Variants in PI4K2B observed in about 807,000 individuals in gnomAD.
PI4K2B encodes phosphatidylinositol 4-kinase type 2-beta.
In PI4K2B, 46 loss-of-function variants were observed where a neutral mutation model predicts 56.6. The ratio of observed to expected loss-of-function variants is 0.81; its 90% CI spans 0.64 to 1.04. The LOEUF is 1.04. Ranked by LOEUF, PI4K2B falls within the 50% of genes least tolerant of loss-of-function variation. The pLI, the probability that PI4K2B is intolerant of heterozygous loss-of-function variation, is 0.00. For missense variants in PI4K2B, 556 were observed against 607.7 expected, an observed-to-expected ratio of 0.91 and a Z score of 0.89; for synonymous variants, 211 against 223.8, an observed-to-expected ratio of 0.94 and a Z score of 0.51.
In PI4K2B at chr4:25,268,302, G is replaced by A. The variant is rs193144857; in HGVS notation, c.1079-141G>A. The A allele has an allele frequency of 5.8e-4, 365 of 624,700 alleles. 2 individuals are homozygous for A. In the East Asian group the frequency reaches 5.9e-3, roughly 10 times the overall value. 38.7% of individuals were successfully genotyped at this position (624,700 alleles called of 1,614,324 possible). The stretch of plus-strand genomic sequence containing the variant: ...CCAAATCTGAGTAATTTGGATTGCA[G>A]TGGGTAGTTGTACTCTGATTAAGTT... On this transcript the variant is annotated intron_variant, in intron 7 of 9. Coordinates refer to ENST00000264864, the MANE Select transcript of PI4K2B (RefSeq NM_018323.4).
At chr4:25,251,436 G>A (rs1294301442) in intron 1 of PI4K2B, among the ~76,000 whole-genome samples, 1 of 152,092 alleles carries the variant, frequency 6.6e-6, no homozygotes, top group East Asian at 1.9e-4. Context: ...TTTTGCAGGT[G>A]ACCATGATGA....
intron 1 of PI4K2B, among the ~76,000 whole-genome samples, chr4:25,251,208 T>C (rs1716034475): frequency 6.6e-6 from 1 of 152,042 alleles, no homozygotes; most frequent in South Asian, 2.1e-4. Context: ...GTTAAGTAGT[T>C]GGTAATAAAT....
At chr4:25,241,841 T>G (rs1256293298) in intron 1 of PI4K2B, among the ~76,000 whole-genome samples, 1 of 152,122 alleles carries the variant, frequency 6.6e-6, no homozygotes, top group African/African-American at 2.4e-5. Flanking sequence ...AAAGAGAAGT[T>G]TTGTCCTGTG....
rs761951902 is a variant in PI4K2B, at chr4:25,256,581, G to A, written c.663G>A (p.Ala221=). 1.1e-5 allele frequency: 18 copies of A among 1,613,556 alleles called. No homozygotes were observed. The highest frequency in any genetic ancestry group is 1.6e-4 in the Middle Eastern group (1 of 6,066). The part of the protein sequence containing the change: ...WLVSETFNYN[A]IDRAKSRGKK... ...TCAGTGAGACATTTAACTATAATGCGATTGACCGTGCAAAATCAAGAGGCA... is the reference window on the plus strand; with the variant it reads ...TCAGTGAGACATTTAACTATAATGCAATTGACCGTGCAAAATCAAGAGGCA... Residue 221 remains alanine, a synonymous_variant, in exon 4 of 10, where the codon GCG becomes GCA. Coordinates refer to ENST00000264864, the MANE Select transcript of PI4K2B (RefSeq NM_018323.4).
intron 1 of PI4K2B, among the ~76,000 whole-genome samples, chr4:25,251,640 A>G (rs1425876826): frequency 6.6e-6 from 1 of 152,094 alleles, no homozygotes; most frequent in Non-Finnish European, 1.5e-5. Flanking sequence ...GAGGTGCTTG[A>G]AATTGAAAGT....
chr4:25,261,856 A>G (rs313541), intron 6 of PI4K2B, among the ~76,000 whole-genome samples: 24,455 of 152,286 alleles, frequency 0.16, 2,154 homozygotes, highest in South Asian at 0.32. Context: ...GTCAAGGCTC[A>G]TCACATTGTA....
In PI4K2B at chr4:25,234,309, T is replaced by C. The variant is rs1329704878; in HGVS notation, c.146T>C (p.Leu49Pro). Reference protein sequence around the residue: ...RRGAPGSAVRLLDAAGEEGEA... With the variant: ...RRGAPGSAVRPLDAAGEEGEA... ...GGCGCCCCAGGCAGCGCCGTGAGGC[T>C]GCTGGACGCTGCCGGGGAGGAGGGC... The change falls in exon 1 of 10, where the codon CTG becomes CCG. Residue 49 changes from leucine (L) to proline (P), a missense_variant. Transcript: ENST00000264864. 2.8e-6 allele frequency: 4 copies of C among 1,418,092 alleles called. No homozygotes were observed. The highest frequency in any genetic ancestry group is 1.4e-5 in the South Asian group (1 of 70,940). The allele number at this position is 1,418,092 out of a possible 1,614,324, so 87.8% of individuals were successfully genotyped here. A position where few individuals can be genotyped will look rare whatever the true frequency, so the allele number is the denominator to read the frequency against.
chr4:25,262,624 CT>C (rs908673656), intron 6 of PI4K2B, among the ~76,000 whole-genome samples: 16 of 151,270 alleles, frequency 1.1e-4, no homozygotes, highest in South Asian at 4.2e-4. Context: ...TCAGAATACC[CT>C]TTTTTTTTCT....
intron 1 of PI4K2B, among the ~76,000 whole-genome samples, chr4:25,234,721 G>T (rs1373796328): frequency 6.6e-6 from 1 of 152,252 alleles, no homozygotes; most frequent in African/African-American, 2.4e-5. Context: ...ACACTGGGGA[G>T]AGGTTAACGC....
intron 1 of PI4K2B, among the ~76,000 whole-genome samples, chr4:25,240,527 C>T (rs1377034689): frequency 6.6e-6 from 1 of 152,078 alleles, no homozygotes; most frequent in Non-Finnish European, 1.5e-5. Flanking sequence ...TGGAGTTGAG[C>T]TTTGAGGGGT....
At chr4:25,267,868 G>A (rs973140407) in intron 7 of PI4K2B, 208 of 983,532 alleles carry the variant, frequency 2.1e-4, no homozygotes, top group Non-Finnish European at 2.4e-4. Context: ...CTGTGTACAA[G>A]TAAGTGGTCA....
intron 9 of PI4K2B, among the ~76,000 whole-genome samples, chr4:25,273,748 C>T (rs916366875): frequency 2.6e-5 from 4 of 152,210 alleles, no homozygotes; most frequent in African/African-American, 9.6e-5. Context: ...AGAACAATCT[C>T]TAAAAACAAA....
intron 1 of PI4K2B, chr4:25,250,782 G>A (rs1403619850): frequency 2.0e-5 from 3 of 152,234 alleles, no homozygotes; most frequent in Non-Finnish European, 4.4e-5. Flanking sequence ...TAGAATAATC[G>A]AGGTGAGAGC....
intron 9 of PI4K2B, among the ~76,000 whole-genome samples, chr4:25,269,503 G>A (rs963747174): frequency 6.6e-6 from 1 of 151,842 alleles, no homozygotes. Flanking sequence ...GCTGGGTGTG[G>A]TGGCGGGCAC....
At chr4:25,275,546 G>C (rs2109027716) in intron 9 of PI4K2B, among the ~76,000 whole-genome samples, 1 of 152,240 alleles carries the variant, frequency 6.6e-6, no homozygotes, top group African/African-American at 2.4e-5. Flanking sequence ...TCTAGGCCCA[G>C]CTACTCTGGA....
intron 1 of PI4K2B, among the ~76,000 whole-genome samples, chr4:25,248,106 A>T (rs750122300): frequency 6.6e-6 from 1 of 152,204 alleles, no homozygotes; most frequent in Non-Finnish European, 1.5e-5. Context: ...AGAGAGAAAG[A>T]GTTTATTTTG....
intron 9 of PI4K2B, 194 bp from the exon 10 acceptor site, chr4:25,276,806 TGTGTGTGTGTGCGC>T (rs762534986): frequency 2.4e-4 from 233 of 952,442 alleles, no homozygotes; most frequent in South Asian, 8.2e-4. Context: ...TAATTGTGTG[TGTGTGTGTGTGCGC>T]GTGTGTGTGT....
chr4:25,273,928 T>C (rs1406695509), intron 9 of PI4K2B, among the ~76,000 whole-genome samples: 1 of 152,152 alleles, frequency 6.6e-6, no homozygotes, highest in African/African-American at 2.4e-5. Flanking sequence ...TGAACTGCTC[T>C]TCCTTCCCCT....
chr4:25,234,084 G>T lies in PI4K2B; in HGVS notation c.-80G>T, dbSNP rs974864901. On this transcript the variant is annotated 5_prime_UTR_variant, in exon 1 of 10. Transcript: ENST00000264864. ...GCGTCCGTTCTACCCGGTCGCTCCC[G>T]TTCCGCGCCATGCAGAGCCCAGTCT... is the stretch of plus-strand genomic sequence containing the variant. 2.4e-5 allele frequency: 28 copies of T among 1,175,102 alleles called. No individual in the cohort carries two copies. Among genetic ancestry groups the T allele is most frequent in the African/African-American group, 4.8e-5 (3 of 63,146 alleles). The allele number at this position is 1,175,102 out of a possible 1,614,324, so 72.8% of individuals were successfully genotyped here.
Sources: gnomAD v4.1 joint callset for allele counts (sites outside exome capture counted in the v4.1 genomes callset) on GRCh38, gnomAD v4.1.1 for gene constraint, MANE v1.5 for transcripts, NCBI Gene and HGNC (gene_info 2026-07-23, HGNC 2026-07-21) for gene names.